The following CNTNAP2 variants were observed in gnomAD, a reference collection of about 807,000 sequenced individuals.
CNTNAP2 encodes the protein contactin-associated protein-like 2.
A neutral mutation model predicts 155.2 loss-of-function variants in CNTNAP2; 98 were observed. The ratio of observed to expected loss-of-function variants is 0.63; its 90% confidence interval spans 0.54 to 0.75. The LOEUF is 0.75. Ranked by LOEUF, CNTNAP2 falls within the 30% of genes least tolerant of loss-of-function variation. The pLI, the probability that CNTNAP2 is intolerant of heterozygous loss-of-function variation, is 0.00. For missense variants in CNTNAP2, 1,727 were observed against 1,688.1 expected (o/e 1.02, Z -0.40); for synonymous variants, 651 against 631.2 (o/e 1.03, Z -0.47).
chr7:148,185,836 G>A (rs1048290798), intron 18 of CNTNAP2, among the ~76,000 whole-genome samples: 2 of 152,140 alleles, frequency 1.3e-5, no homozygotes, highest in African/African-American at 4.8e-5. Context: ...TCAAATTAAA[G>A]CAGTAGATCA....
intron 3 of CNTNAP2, among the ~76,000 whole-genome samples, chr7:146,876,202 C>T (rs1475348470): frequency 2.0e-5 from 3 of 151,922 alleles, no homozygotes; most frequent in Admixed American, 2.0e-4. Context: ...GGATCGTCAC[C>T]AAATCTATTC....
chr7:147,138,799 T>C (rs899582025), intron 8 of CNTNAP2, among the ~76,000 whole-genome samples: 13 of 152,052 alleles, frequency 8.5e-5, no homozygotes, highest in African/African-American at 2.9e-4. Context: ...CTATGCCTTT[T>C]TCAGGGAAGA....
chr7:147,938,071 T>TTTAA (rs1800647080), intron 14 of CNTNAP2, among the ~76,000 whole-genome samples: 1 of 152,196 alleles, frequency 6.6e-6, no homozygotes. Context: ...ATCTTATAGC[T>TTTAA]TTAAATTGGC....
At chr7:147,003,803 G>A (rs755750846) in intron 3 of CNTNAP2, among the ~76,000 whole-genome samples, 4 of 151,882 alleles carry the variant, frequency 2.6e-5, no homozygotes, top group Non-Finnish European at 5.9e-5. Context: ...TGAGGTGGAA[G>A]GACTGTTTGA....
At chr7:148,197,566 T>C (rs1188048654) in intron 18 of CNTNAP2, among the ~76,000 whole-genome samples, 1 of 152,166 alleles carries the variant, frequency 6.6e-6, no homozygotes, top group African/African-American at 2.4e-5. Context: ...AAATAAGGCA[T>C]TGGAGTTCAG....
At chr7:147,720,602 T>G (rs1482809348) in intron 13 of CNTNAP2, among the ~76,000 whole-genome samples, 2 of 152,076 alleles carry the variant, frequency 1.3e-5, no homozygotes, top group Non-Finnish European at 2.9e-5. Flanking sequence ...TGGAGGTAAT[T>G]GAATCATGGG....
At chr7:146,888,504 A>G (rs1795713781) in intron 3 of CNTNAP2, among the ~76,000 whole-genome samples, 1 of 152,236 alleles carries the variant, frequency 6.6e-6, no homozygotes, top group East Asian at 1.9e-4. Flanking sequence ...ATTTAACTAT[A>G]TTCTAATGCT....
intron 1 of CNTNAP2, among the ~76,000 whole-genome samples, chr7:146,272,475 T>C (rs1018665387): frequency 1.3e-5 from 2 of 152,190 alleles, no homozygotes; most frequent in African/African-American, 4.8e-5. Flanking sequence ...AATGATAATA[T>C]GCCACTTTCA....
intron 3 of CNTNAP2, among the ~76,000 whole-genome samples, chr7:146,979,923 G>C (rs1797982004): frequency 6.6e-6 from 1 of 152,184 alleles, no homozygotes; most frequent in Non-Finnish European, 1.5e-5. Context: ...CCTAAGTCAT[G>C]TTAGGTTGGT....
intron 8 of CNTNAP2, among the ~76,000 whole-genome samples, chr7:147,206,175 T>C (rs954918485): frequency 6.6e-6 from 1 of 152,164 alleles, no homozygotes; most frequent in East Asian, 1.9e-4. Flanking sequence ...CTTACAAGCT[T>C]CTTTGTTAAA....
At chr7:147,452,242 C>G (rs1331202785) in intron 10 of CNTNAP2, among the ~76,000 whole-genome samples, 1 of 152,178 alleles carries the variant, frequency 6.6e-6, no homozygotes, top group Non-Finnish European at 1.5e-5. Context: ...GACATTCAAA[C>G]TTCCTCTGTC....
chr7:146,917,351 C>T (rs925567545), intron 3 of CNTNAP2, among the ~76,000 whole-genome samples: 77 of 151,916 alleles, frequency 5.1e-4, no homozygotes, highest in African/African-American at 1.7e-3. Context: ...AGTTTAAGTC[C>T]GTTGTTTGTT....
intron 1 of CNTNAP2, among the ~76,000 whole-genome samples, chr7:146,422,678 GTC>G (rs1796029640): frequency 6.6e-6 from 1 of 151,948 alleles, no homozygotes; most frequent in African/African-American, 2.4e-5. Flanking sequence ...TAGAGACAAG[GTC>G]TTTCTACATT....
At chr7:146,934,159 C>G (rs1179527723) in intron 3 of CNTNAP2, among the ~76,000 whole-genome samples, 19 of 151,912 alleles carry the variant, frequency 1.3e-4, no homozygotes, top group East Asian at 5.8e-4. Context: ...TATTGCGGCA[C>G]TATTCACAAT....
intron 1 of CNTNAP2, among the ~76,000 whole-genome samples, chr7:146,507,433 C>A (rs762233561): frequency 6.6e-6 from 1 of 152,218 alleles, no homozygotes; most frequent in African/African-American, 2.4e-5. Flanking sequence ...GCCAGAAAAG[C>A]CATCTCAGCC....
At chr7:146,117,132 G>A in intron 1 of CNTNAP2, 159 bp downstream of exon 1, 1 of 633,930 alleles carries the variant, frequency 1.6e-6, no homozygotes, top group East Asian at 2.8e-5. Context: ...AGACAAACTC[G>A]AAACCCAGCG....
intron 1 of CNTNAP2, among the ~76,000 whole-genome samples, chr7:146,369,050 T>TATATATAC (rs1286983889): frequency 0.036 from 5,008 of 139,104 alleles, 125 homozygotes; most frequent in Middle Eastern, 0.099. Flanking sequence ...TATATATATA[T>TATATATAC]ACATATATAT....
intron 13 of CNTNAP2, among the ~76,000 whole-genome samples, chr7:147,646,161 T>A (rs1008843447): frequency 1.5e-4 from 23 of 152,104 alleles, no homozygotes; most frequent in Admixed American, 1.4e-3. Context: ...TGTTTTTAAG[T>A]TTAGATGCTG....
chr7:147,776,771 T>A (rs1797591461), intron 13 of CNTNAP2, among the ~76,000 whole-genome samples: 2 of 152,106 alleles, frequency 1.3e-5, no homozygotes, highest in South Asian at 4.1e-4. Context: ...TTTAATAACA[T>A]CTAAGCAATG....
Sources: gnomAD v4.1 joint callset for allele counts (sites outside exome capture counted in the v4.1 genomes callset) on GRCh38, gnomAD v4.1.1 for gene constraint, MANE v1.5 for transcripts, NCBI Gene and HGNC (gene_info 2026-07-23, HGNC 2026-07-21) for gene names.